Variants in ACOX2 observed in about 807,000 individuals in gnomAD.
ACOX2 encodes the protein peroxisomal acyl-coenzyme A oxidase 2.
A neutral mutation model predicts 77.5 loss-of-function variants in ACOX2; 59 were observed. The ratio of observed to expected loss-of-function variants is 0.76; its 90% CI spans 0.62 to 0.95. ACOX2 has a LOEUF of 0.95. Among genes scored for constraint, ACOX2 ranks in the 40% least tolerant of loss-of-function variants. The pLI is 0.00. For synonymous variants in ACOX2, 317 were observed against 340.1 expected, an observed-to-expected ratio of 0.93 and a Z score of 0.75; for missense variants, 837 against 880.4, an observed-to-expected ratio of 0.95 and a Z score of 0.62.
At chr3:58,527,865 C>CT (rs1350890206) in intron 9 of ACOX2, among the ~76,000 whole-genome samples, 2 of 48,052 alleles carry the variant, frequency 4.2e-5, no homozygotes, top group African/African-American at 1.4e-4. Context: ...ACTAATTTTT[C>CT]ATTTTTTTTT....
At position 58,512,850 on chromosome 3, in the gene ACOX2, A is replaced by G. The variant is rs2107990137; in HGVS notation, c.1851-3825T>C. On this transcript the variant is annotated intron_variant, in intron 13 of 14. Coordinates refer to ENST00000302819, the MANE Select transcript of ACOX2 (RefSeq NM_003500.4). The surrounding 1 kb of genome is among the most constrained non-coding windows in gnomAD (Gnocchi z 4.8). The stretch of plus-strand genomic sequence containing the variant: ...TATTCAGAACAGCAACATGCTTTGC[A>G]GGTGTGACTGTACGAGCAATAGGCT... Among the ~76,000 whole-genome samples the G allele has an allele frequency of 1.3e-5, 2 of 152,386 alleles. No individual in the cohort carries two copies. The highest frequency in any genetic ancestry group is 4.1e-4 in the South Asian group (2 of 4,828).
At chr3:58,511,943 G>A (rs955156136) in intron 13 of ACOX2, among the ~76,000 whole-genome samples, 2 of 152,130 alleles carry the variant, frequency 1.3e-5, no homozygotes, top group Admixed American at 6.5e-5. Context: ...ATTATCTTGC[G>A]AGGGTCTCAA....
chr3:58,508,782 C>T (rs1312118634), intron 14 of ACOX2, 111 bp downstream of exon 14: 1 of 1,404,118 alleles, frequency 7.1e-7, no homozygotes, highest in Non-Finnish European at 9.7e-7. Context: ...CGTGCTACGC[C>T]AAGTGATTGC....
At position 58,526,726 on chromosome 3, in the gene ACOX2, A is replaced by C. The variant is rs1576997137; in HGVS notation, c.1156-70T>G. The C allele has an allele frequency of 7.3e-6, 11 of 1,508,160 alleles. No homozygotes were observed. Among genetic ancestry groups the C allele is most frequent in the Non-Finnish European group, 9.9e-6 (11 of 1,106,558 alleles). 93.4% of individuals were successfully genotyped at this position (1,508,160 alleles called of 1,614,324 possible). ...ACCATAGGGACCAACCCTGTGCACC[A>C]CTTACTGAGCATCTACTCATGCCCA... On this transcript the variant is annotated intron_variant, in intron 9 of 14. Transcript: ENST00000302819. This position sits in a 1 kb window ranked among gnomAD's most constrained non-coding sequence, Gnocchi z 4.3.
intron 13 of ACOX2, chr3:58,511,527 G>T: frequency 5.3e-6 from 1 of 186,982 alleles, no homozygotes; most frequent in Non-Finnish European, 1.1e-5. Context: ...TTTTGCAAAA[G>T]CTTATAACTG....
At chr3:58,511,444 G>T in intron 13 of ACOX2, 1 of 237,306 alleles carries the variant, frequency 4.2e-6, no homozygotes. Context: ...TTGGTAGCTG[G>T]AATTGACTGC....
At chr3:58,520,226 A>G (rs534995525) in intron 12 of ACOX2, among the ~76,000 whole-genome samples, 2 of 152,384 alleles carry the variant, frequency 1.3e-5, no homozygotes, top group African/African-American at 4.8e-5. Flanking sequence ...TCTATCTTGC[A>G]GACGAAGAGA....
rs1179129388 is a variant in ACOX2 at position 58,514,349 on chromosome 3, C to T, written c.1850+2857G>A. ...GTTTTAGTAGGGTTTCGGGAAAGAA[C>T]AGAAGTAAATGCATAGTTTAATCTG... On this transcript the variant is annotated intron_variant, in intron 13 of 14. Coordinates refer to ENST00000302819, the MANE Select transcript of ACOX2 (RefSeq NM_003500.4). This position sits in a 1 kb window ranked among gnomAD's most constrained non-coding sequence, Gnocchi z 4.3. Among the ~76,000 whole-genome samples the T allele has an allele frequency of 2.6e-5, 4 of 152,164 alleles. No homozygotes were observed. The highest frequency in any genetic ancestry group is 9.7e-5 in the African/African-American group (4 of 41,440).
In ACOX2 at chr3:58,528,143, C is replaced by T. The variant is rs1448792041; in HGVS notation, c.1155+651G>A. ...CTGCCTATCTTTGGAGCTTTCAAGT[C>T]CTTGGGAGGAAAGTTATGTCCCTTG... On this transcript the variant is annotated intron_variant, in intron 9 of 14. Coordinates refer to ENST00000302819, the MANE Select transcript of ACOX2 (RefSeq NM_003500.4). This position sits in a 1 kb window ranked among gnomAD's most constrained non-coding sequence, Gnocchi z 5.6. Among the ~76,000 whole-genome samples the T allele has an allele frequency of 6.6e-6, 1 of 152,186 alleles. No individual in the cohort carries two copies.
chr3:58,531,103 C>T lies in ACOX2; in HGVS notation c.819+148G>A, dbSNP rs535712628. ...ATACTGCTCCTAAGCAGGGGTTTCACCCCAATCTGTGGGATATCAGAGCCT... is the reference window on the plus strand; with the variant it reads ...ATACTGCTCCTAAGCAGGGGTTTCATCCCAATCTGTGGGATATCAGAGCCT... On this transcript the variant is annotated intron_variant, in intron 7 of 14. Transcript: ENST00000302819. This position sits in a 1 kb window ranked among gnomAD's most constrained non-coding sequence, Gnocchi z 5.8. The T allele has an allele frequency of 4.4e-6, 3 of 687,760 alleles. No homozygotes were observed. Among genetic ancestry groups the T allele is most frequent in the Non-Finnish European group, 7.4e-6 (3 of 404,902 alleles). The allele number at this position is 687,760 out of a possible 1,614,324, so 42.6% of individuals were successfully genotyped here. A position where few individuals can be genotyped will look rare whatever the true frequency, so the allele number is the denominator to read the frequency against.
In ACOX2 at chr3:58,535,047, G is replaced by A. The variant is rs762633744; in HGVS notation, c.60C>T (p.Pro20=). Residue 20 remains proline, a synonymous_variant, in exon 2 of 15, where the codon CCC becomes CCT. Transcript: ENST00000302819. The surrounding 1 kb of genome is among the most constrained non-coding windows in gnomAD (Gnocchi z 4.8). ...GCATATACCTCTCGCTCTCTATGTC[G>A]GGGTGCATTTGCCTGCTCCAGGTAT... ...LGDTWSRQMH[P]DIESERYMQS... The A allele has an allele frequency of 1.1e-5, 18 of 1,614,042 alleles. No individual in the cohort carries two copies. The Admixed American group carries it at 1.5e-4, about 13-fold the overall frequency.
Position 58,533,118 on chromosome 3 carries a change from G to A in ACOX2, c.583+327C>T, listed in dbSNP as rs2063453228. Reference sequence around the variant, plus strand: ...TCGGGAGATGAGAGGAACCGGGGTTGTGAGGAGTGCCTAGGACTAGACCAA... The same window carrying A: ...TCGGGAGATGAGAGGAACCGGGGTTATGAGGAGTGCCTAGGACTAGACCAA... On this transcript the variant is annotated intron_variant, in intron 5 of 14. Transcript: ENST00000302819. This position sits in a 1 kb window ranked among gnomAD's most constrained non-coding sequence, Gnocchi z 5.6. 6.6e-6 allele frequency among the ~76,000 whole-genome samples: 1 copy of A among 152,168 alleles called. No individual in the cohort carries two copies.
In ACOX2 at chr3:58,515,979, T is replaced by C. The variant is rs958947129; in HGVS notation, c.1850+1227A>G. On this transcript the variant is annotated intron_variant, in intron 13 of 14. Transcript: ENST00000302819. The surrounding 1 kb of genome is among the most constrained non-coding windows in gnomAD (Gnocchi z 4.0). ...GTTTTGCCATGTTGCCCAGGCTTTT[T>C]TTTTTCTTTATTGTTTTTATTTCTA... 9.2e-6 allele frequency among the ~76,000 whole-genome samples: 1 copy of C among 108,954 alleles called. No individual in the cohort carries two copies. Among genetic ancestry groups the C allele is most frequent in the Non-Finnish European group, 1.8e-5 (1 of 55,158 alleles). 71.5% of individuals were successfully genotyped at this position (108,954 alleles called of 152,430 possible). A position where few individuals can be genotyped will look rare whatever the true frequency, so the allele number is the denominator to read the frequency against.
At position 58,534,448 on chromosome 3, in the gene ACOX2, C is replaced by T. The variant is rs747182843; in HGVS notation, c.235G>A (p.Ala79Thr). The T allele has an allele frequency of 2.6e-5, 42 of 1,614,174 alleles. 1 individual carries two copies. The South Asian group carries it at 4.4e-4, about 17-fold the overall frequency. The change falls in exon 3 of 15, where the codon GCT becomes ACT. Residue 79 changes from alanine to threonine, a missense_variant. By Grantham distance (58) the Ala-to-Thr change is moderately conservative. Coordinates refer to ENST00000302819, the MANE Select transcript of ACOX2 (RefSeq NM_003500.4). The surrounding 1 kb of genome is among the most constrained non-coding windows in gnomAD (Gnocchi z 4.8). ...ATGTGGAATGCCCTCCGCATGGCAG[C>T]CTTATAACGCTCATTCTGGGTCATG... ...YFMTQNERYK[A>T]AMRRAFHIRL...
At position 58,535,251 on chromosome 3, in the gene ACOX2, G is replaced by A; in HGVS notation, c.-91-54C>T. The A allele has an allele frequency of 1.0e-6, 1 of 988,486 alleles. No homozygotes were observed. Among genetic ancestry groups the A allele is most frequent in the Non-Finnish European group, 1.5e-6 (1 of 654,310 alleles). The allele number at this position is 988,486 out of a possible 1,614,324, so 61.2% of individuals were successfully genotyped here. Reference sequence around the variant, plus strand: ...GGGTGTCAGCCAGGGCTGGTTGGTAGAAGAAAGACATCCCTAAGTACCTGA... The same window carrying A: ...GGGTGTCAGCCAGGGCTGGTTGGTAAAAGAAAGACATCCCTAAGTACCTGA... On this transcript the variant is annotated intron_variant, in intron 1 of 14. Coordinates refer to ENST00000302819, the MANE Select transcript of ACOX2 (RefSeq NM_003500.4). This position sits in a 1 kb window ranked among gnomAD's most constrained non-coding sequence, Gnocchi z 4.8.
Position 58,534,547 on chromosome 3 carries a change from C to G in ACOX2, c.161-25G>C. 1 of 1,614,140 alleles carries G rather than the reference C, an allele frequency of 6.2e-7. No homozygotes were observed. Among genetic ancestry groups the G allele is most frequent in the Non-Finnish European group, 8.5e-7 (1 of 1,180,012 alleles). The stretch of plus-strand genomic sequence containing the variant: ...TCTGCAGAGGACAGAGAACAGAGGG[C>G]TTAGGGACCTGGGTGAGGTTTCTGG... On this transcript the variant is annotated intron_variant, in intron 2 of 14. Transcript: ENST00000302819. The surrounding 1 kb of genome is among the most constrained non-coding windows in gnomAD (Gnocchi z 4.8).
At position 58,522,237 on chromosome 3, in the gene ACOX2, G is replaced by A. The variant is rs150278688; in HGVS notation, c.1632+259C>T. On this transcript the variant is annotated intron_variant, in intron 12 of 14. Transcript: ENST00000302819. This position sits in a 1 kb window ranked among gnomAD's most constrained non-coding sequence, Gnocchi z 4.3. ...GAGACTTGACCTGCTTTTCTATCTG[G>A]GAGGAAATATTTGAACAACCTGAAG... Among the ~76,000 whole-genome samples, 1 of 152,306 alleles carries A rather than the reference G, an allele frequency of 6.6e-6. No individual in the cohort carries two copies. Among genetic ancestry groups the A allele is most frequent in the East Asian group, 1.9e-4 (1 of 5,186 alleles).
intron 12 of ACOX2, among the ~76,000 whole-genome samples, chr3:58,518,353 A>T (rs1280310741): frequency 6.6e-6 from 1 of 152,162 alleles, no homozygotes; most frequent in Non-Finnish European, 1.5e-5. Flanking sequence ...ACCCTGTGAG[A>T]GCCCCTTCTG....
chr3:58,532,328 T>C (rs2063446362), intron 5 of ACOX2, among the ~76,000 whole-genome samples: 1 of 152,130 alleles, frequency 6.6e-6, no homozygotes, highest in Non-Finnish European at 1.5e-5. Flanking sequence ...ATTTTCTCTC[T>C]CTCTTTCTGT....
Sources: gnomAD v4.1 joint callset for allele counts (sites outside exome capture counted in the v4.1 genomes callset) on GRCh38, gnomAD v4.1.1 for gene constraint, Gnocchi (gnomAD v3.1) non-coding constraint, MANE v1.5 for transcripts, NCBI Gene and HGNC (gene_info 2026-07-23, HGNC 2026-07-21) for gene names.